Variants in DPP4 observed in about 807,000 individuals in gnomAD.
The protein encoded by DPP4 is dipeptidyl peptidase 4, also known as ADCP-2.
A neutral mutation model predicts 122.4 loss-of-function variants in DPP4; 93 were observed. That is an observed-to-expected ratio of 0.76 (90% CI 0.64 to 0.90). The LOEUF (loss-of-function observed/expected upper bound fraction) is 0.90, where lower values mean the gene tolerates loss of function less well. Among genes scored for constraint, DPP4 ranks in the 40% least tolerant of loss-of-function variants. The pLI, the probability that DPP4 is intolerant of heterozygous loss-of-function variation, is 0.00. For missense variants in DPP4, 914 were observed against 907.3 expected (o/e 1.01, Z -0.09); for synonymous variants, 321 against 302.9 (o/e 1.06, Z -0.62).
At chr2:162,024,702 C>G in intron 11 of DPP4, 102 bp downstream of exon 11, 1 of 1,454,178 alleles carries the variant, frequency 6.9e-7, no homozygotes, top group Non-Finnish European at 9.2e-7. Flanking sequence ...AGAAGAGAAA[C>G]TCAAACTTCA....
rs1384868263 is a variant in DPP4 at position 162,007,018 on chromosome 2, A to C, written c.1988-1209T>G. Among the ~76,000 whole-genome samples the C allele has an allele frequency of 4.6e-5, 7 of 152,236 alleles. No homozygotes were observed. In the South Asian group the frequency reaches 1.5e-3, roughly 32 times the overall value. On this transcript the variant is annotated intron_variant, in intron 22 of 25. Coordinates refer to ENST00000360534, the MANE Select transcript of DPP4 (RefSeq NM_001935.4). ...AATGAGTGTTAGTTGCTCCATATGC[A>C]TACTTTATGCCATTTCTATGAAAAT...
rs748534860 is a variant in DPP4 at position 162,046,954 on chromosome 2, T to C, written c.246A>G (p.Glu82=). The change falls in exon 4 of 26, where the codon GAA becomes GAG. Residue 82 remains glutamate (E), a synonymous_variant. Coordinates refer to ENST00000360534, the MANE Select transcript of DPP4 (RefSeq NM_001935.4). ...CCAAGAAAACTGAGCTGTTTCCATA[T>C]TCAGCATTGAATACCAAGATATTAT... ...QENNILVFNA[E]YGNSSVFLEN... The C allele has an allele frequency of 1.3e-6, 2 of 1,598,338 alleles. No individual in the cohort carries two copies. Among genetic ancestry groups the C allele is most frequent in the African/African-American group, 1.3e-5 (1 of 74,548 alleles).
chr2:162,073,623 TG>T (rs1480758165), intron 1 of DPP4, 137 bp from the exon 2 acceptor site: 3 of 701,862 alleles, frequency 4.3e-6, no homozygotes, highest in African/African-American at 1.9e-5. Context: ...GGGCTGGGGG[TG>T]GGGGTGGCGT....
chr2:162,058,107 C>T (rs1289553109), intron 2 of DPP4, among the ~76,000 whole-genome samples: 1 of 152,100 alleles, frequency 6.6e-6, no homozygotes, highest in South Asian at 2.1e-4. Context: ...GCCACCACGC[C>T]TGGCCTCTAG....
rs1050576461 is a variant in DPP4, at chr2:162,015,743, C to T, written c.1567+1025G>A. Reference sequence around the variant, plus strand: ...GTCACCCGTCTACTAATGTGGCTTCCGTGACCCTAAAACCTGCAGGGGCTC... The same window carrying T: ...GTCACCCGTCTACTAATGTGGCTTCTGTGACCCTAAAACCTGCAGGGGCTC... On this transcript the variant is annotated intron_variant, in intron 18 of 25. Coordinates refer to ENST00000360534, the MANE Select transcript of DPP4 (RefSeq NM_001935.4). 3.9e-5 allele frequency among the ~76,000 whole-genome samples: 6 copies of T among 152,226 alleles called. No individual in the cohort carries two copies. In the East Asian group the frequency reaches 9.7e-4, roughly 25 times the overall value.
intron 9 of DPP4, among the ~76,000 whole-genome samples, chr2:162,034,594 C>G (rs572109300): frequency 2.0e-5 from 3 of 152,294 alleles, no homozygotes; most frequent in African/African-American, 7.2e-5. Flanking sequence ...CCATCTCACC[C>G]GGCTTACGCT....
rs534610938 is a variant in DPP4, at chr2:162,019,079, T to A, written c.1298+144A>T. ...AAAGCCATTCTCTCTTGTGGACATGTAGATTGATTTATGAAGGAATAAAAA... is the reference window on the plus strand; with the variant it reads ...AAAGCCATTCTCTCTTGTGGACATGAAGATTGATTTATGAAGGAATAAAAA... On this transcript the variant is annotated intron_variant, in intron 15 of 25. Transcript: ENST00000360534. 123 of 915,710 alleles carry A rather than the reference T, an allele frequency of 1.3e-4. 1 individual carries two copies. The South Asian group carries it at 1.7e-3, about 13-fold the overall frequency. 56.7% of individuals were successfully genotyped at this position (915,710 alleles called of 1,614,324 possible).
In DPP4 at chr2:162,063,121, G is replaced by A. The variant is rs571438942; in HGVS notation, c.94+10278C>T. On this transcript the variant is annotated intron_variant, in intron 2 of 25. Coordinates refer to ENST00000360534, the MANE Select transcript of DPP4 (RefSeq NM_001935.4). ...TGAAGATACAGATGATAAAACTGCC[G>A]ACACATTGGATGTGACTTGTGGATG... Among the ~76,000 whole-genome samples the A allele has an allele frequency of 6.6e-5, 10 of 152,276 alleles. No homozygotes were observed. The East Asian group carries it at 1.2e-3, about 18-fold the overall frequency.
intron 2 of DPP4, among the ~76,000 whole-genome samples, chr2:162,049,966 C>G (rs1174195250): frequency 3.3e-5 from 5 of 152,010 alleles, no homozygotes; most frequent in African/African-American, 4.8e-5. Flanking sequence ...GGTCAATTTA[C>G]TCCTGCATTT....
chr2:162,014,349 T>C, intron 19 of DPP4, 47 bp downstream of exon 19: 2 of 1,497,454 alleles, frequency 1.3e-6, no homozygotes, highest in Middle Eastern at 1.7e-4. Flanking sequence ...GAGAAAAATA[T>C]ATATGACTCA....
chr2:161,999,613 C>A (rs1412597897), intron 23 of DPP4, among the ~76,000 whole-genome samples: 1 of 152,164 alleles, frequency 6.6e-6, no homozygotes, highest in Non-Finnish European at 1.5e-5. Context: ...CCTTCAGTCC[C>A]CAAGAAGAAC....
chr2:162,040,936 T>A (rs376581814), intron 5 of DPP4, among the ~76,000 whole-genome samples: 24 of 151,840 alleles, frequency 1.6e-4, no homozygotes, highest in East Asian at 1.4e-3. Context: ...TAAAAAAAAA[T>A]GAATCAGAGC....
intron 9 of DPP4, among the ~76,000 whole-genome samples, chr2:162,034,861 T>C (rs1683711048): frequency 6.6e-6 from 1 of 152,322 alleles, no homozygotes; most frequent in South Asian, 2.1e-4. Context: ...AATTCAATTA[T>C]AGCCTCTCTT....
intron 2 of DPP4, among the ~76,000 whole-genome samples, chr2:162,061,943 G>A (rs184944268): frequency 6.6e-6 from 1 of 152,274 alleles, no homozygotes; most frequent in East Asian, 1.9e-4. Context: ...ACGATGTTAA[G>A]CAGAAAAGGA....
intron 24 of DPP4, 90 bp downstream of exon 24, chr2:161,995,209 TA>T: frequency 7.4e-7 from 1 of 1,353,654 alleles, no homozygotes. Flanking sequence ...GAAGTAAATG[TA>T]ACAGTCTTGC....
At chr2:162,049,476 G>C (rs1046056919) in intron 2 of DPP4, among the ~76,000 whole-genome samples, 1 of 151,952 alleles carries the variant, frequency 6.6e-6, no homozygotes, top group East Asian at 1.9e-4. Flanking sequence ...GAGGCCTGTT[G>C]GGGGTGGGGT....
At chr2:162,002,424 C>A (rs777466102) in intron 23 of DPP4, among the ~76,000 whole-genome samples, 3 of 152,160 alleles carry the variant, frequency 2.0e-5, no homozygotes, top group African/African-American at 7.2e-5. Flanking sequence ...TAAATAGCCA[C>A]GTATCAGTGG....
chr2:162,008,611 C>T lies in DPP4; in HGVS notation c.1938G>A (p.Val646=). 1 of 1,613,614 alleles carries T rather than the reference C, an allele frequency of 6.2e-7. No homozygotes were observed. Among genetic ancestry groups the T allele is most frequent in the Middle Eastern group, 1.6e-4 (1 of 6,062 alleles). ...TSMVLGSGSG[V]FKCGIAVAPV... ...GCGCCACGGCTATTCCACACTTGAACACGCCACTTCCCGATCCCAGGACCA... is the reference window on the plus strand; with the variant it reads ...GCGCCACGGCTATTCCACACTTGAATACGCCACTTCCCGATCCCAGGACCA... The change falls in exon 22 of 26, where the codon GTG becomes GTA. Residue 646 remains valine (V), a synonymous_variant. Coordinates refer to ENST00000360534, the MANE Select transcript of DPP4 (RefSeq NM_001935.4).
rs1460881378 is a variant in DPP4 at position 161,995,290 on chromosome 2, T to G, written c.2125+10A>C. Reference sequence around the variant, plus strand: ...TGTGATACTAAAAAGTCTAATTAACTGAAACTCACCATCTGCTGTTCCATG... The same window carrying G: ...TGTGATACTAAAAAGTCTAATTAACGGAAACTCACCATCTGCTGTTCCATG... On this transcript the variant is annotated intron_variant, in intron 24 of 25. Coordinates refer to ENST00000360534, the MANE Select transcript of DPP4 (RefSeq NM_001935.4). 6.2e-7 allele frequency: 1 copy of G among 1,612,804 alleles called. No individual in the cohort carries two copies. The highest frequency in any genetic ancestry group is 8.5e-7 in the Non-Finnish European group (1 of 1,178,956).
Sources: gnomAD v4.1 joint callset for allele counts (sites outside exome capture counted in the v4.1 genomes callset) on GRCh38, gnomAD v4.1.1 for gene constraint, MANE v1.5 for transcripts, NCBI Gene and HGNC (gene_info 2026-07-23, HGNC 2026-07-21) for gene names.